FGF14: variants seen among roughly 807,000 people sequenced by gnomAD.
FGF14 encodes fibroblast growth factor 14, also known as fibroblast growth factor homologous factor 4.
A neutral mutation model predicts 25.5 loss-of-function variants in FGF14; 5 were observed. The observed-to-expected ratio is 0.20, with a 90% confidence interval of 0.10 to 0.41. The LOEUF is 0.41. Among genes scored for constraint, FGF14 ranks in the 10% least tolerant of loss-of-function variants. The pLI, the probability that FGF14 is intolerant of heterozygous loss-of-function variation, is 1.00. For missense variants in FGF14, 222 were observed against 320.1 expected (o/e 0.69, Z 2.34); for synonymous variants, 138 against 118.3 (o/e 1.17, Z -1.08).
At chr13:101,743,351 T>C (rs1485039820) in intron 3 of FGF14, among the ~76,000 whole-genome samples, 1 of 152,194 alleles carries the variant, frequency 6.6e-6, no homozygotes, top group Non-Finnish European at 1.5e-5. Context: ...TTCAGATCTG[T>C]TTACCAATTG....
At chr13:102,383,857 G>A (rs145340550) in intron 1 of FGF14, among the ~76,000 whole-genome samples, 1 of 151,962 alleles carries the variant, frequency 6.6e-6, no homozygotes, top group East Asian at 1.9e-4. Flanking sequence ...AGGAAGGGTT[G>A]GGTGTGAAAT....
chr13:101,965,986 A>G (rs2037168413), intron 1 of FGF14, among the ~76,000 whole-genome samples: 1 of 152,206 alleles, frequency 6.6e-6, no homozygotes, highest in Non-Finnish European at 1.5e-5. Flanking sequence ...CACCAGAACC[A>G]CAATCAACTT....
chr13:101,843,097 G>C (rs755245957), intron 3 of FGF14, among the ~76,000 whole-genome samples: 7 of 152,040 alleles, frequency 4.6e-5, no homozygotes, highest in Non-Finnish European at 1.0e-4. Context: ...CTAATTAGGG[G>C]TGACCGAGTT....
chr13:102,239,723 C>A (rs939736336), intron 1 of FGF14, among the ~76,000 whole-genome samples: 1 of 152,160 alleles, frequency 6.6e-6, no homozygotes, highest in Admixed American at 6.5e-5. Flanking sequence ...ACACAGTTTT[C>A]CTGGGTTTTA....
intron 1 of FGF14, among the ~76,000 whole-genome samples, chr13:101,942,119 C>T (rs764560218): frequency 8.5e-5 from 13 of 152,174 alleles, no homozygotes; most frequent in Admixed American, 1.3e-4. Context: ...CATCTTTTCA[C>T]ATTGCATGCC....
At chr13:102,311,061 A>G (rs543570139) in intron 1 of FGF14, among the ~76,000 whole-genome samples, 1 of 152,172 alleles carries the variant, frequency 6.6e-6, no homozygotes, top group African/African-American at 2.4e-5. Context: ...CACACAATTT[A>G]AAAAGGATTC....
At chr13:101,820,803 CACA>C (rs1419203456) in intron 3 of FGF14, among the ~76,000 whole-genome samples, 2,065 of 71,684 alleles carry the variant, frequency 0.029, 59 homozygotes, top group African/African-American at 0.076. Context: ...CACACACACA[CACA>C]ACACACACAC....
Position 102,340,474 on chromosome 13 carries a change from A to G in FGF14, c.208+60997T>C, listed in dbSNP as rs548277915. 1.1e-4 allele frequency among the ~76,000 whole-genome samples: 16 copies of G among 152,024 alleles called. No homozygotes were observed. The South Asian group carries it at 3.3e-3, about 32-fold the overall frequency. ...ACACACACACACACGCCAAAAAAAG[A>G]GTGTTCATCAGTTCCAGAAGGTTCA... On this transcript the variant is annotated intron_variant, in intron 1 of 4. Coordinates refer to the FGF14 transcript ENST00000376131.
At chr13:102,229,703 C>T (rs1174510894) in intron 1 of FGF14, among the ~76,000 whole-genome samples, 1 of 152,128 alleles carries the variant, frequency 6.6e-6, no homozygotes, top group Non-Finnish European at 1.5e-5. Flanking sequence ...AGGCCTTGGT[C>T]ATGGTTAATA....
At chr13:101,829,740 G>T (rs2042578046) in intron 3 of FGF14, among the ~76,000 whole-genome samples, 1 of 152,074 alleles carries the variant, frequency 6.6e-6, no homozygotes, top group Non-Finnish European at 1.5e-5. Context: ...ACTCACAGTA[G>T]ACTCTTGATT....
At chr13:102,367,516 A>G (rs2057747626) in intron 1 of FGF14, 1 of 151,990 alleles carries the variant, frequency 6.6e-6, no homozygotes, top group Non-Finnish European at 1.5e-5. Context: ...AGCTCTATTC[A>G]CTGACAGAGG....
chr13:101,997,606 C>T (rs1252666841), intron 1 of FGF14, among the ~76,000 whole-genome samples: 1 of 152,074 alleles, frequency 6.6e-6, no homozygotes, highest in Non-Finnish European at 1.5e-5. Context: ...GGGCCAGGTC[C>T]AAAAATTTAC....
Position 102,317,839 on chromosome 13 carries a change from A to G in FGF14, c.208+83632T>C, listed in dbSNP as rs569562455. Among the ~76,000 whole-genome samples, 27 of 152,270 alleles carry G rather than the reference A, an allele frequency of 1.8e-4. No individual in the cohort carries two copies. In the South Asian group the frequency reaches 5.6e-3, roughly 32 times the overall value. ...ACACACTGGGCAGCAGCCAGACTGC[A>G]AAAGTCCAGTTTGACCATGTGGAAA... On this transcript the variant is annotated intron_variant, in intron 1 of 4. Coordinates refer to the FGF14 transcript ENST00000376131.
chr13:102,302,285 G>A (rs191624812), intron 1 of FGF14, among the ~76,000 whole-genome samples: 10 of 152,186 alleles, frequency 6.6e-5, no homozygotes, highest in East Asian at 1.9e-4. Context: ...CATCAGCAGC[G>A]TTTTATACAA....
chr13:101,993,460 C>G (rs560725080), intron 1 of FGF14, among the ~76,000 whole-genome samples: 2 of 151,778 alleles, frequency 1.3e-5, no homozygotes, highest in African/African-American at 4.8e-5. Flanking sequence ...TTTTTTTGTA[C>G]TTTAACAGAT....
intron 1 of FGF14, among the ~76,000 whole-genome samples, chr13:102,335,228 T>C (rs2056757866): frequency 6.6e-6 from 1 of 152,182 alleles, no homozygotes; most frequent in Non-Finnish European, 1.5e-5. Flanking sequence ...GACAACAACA[T>C]CTTCACCAAT....
chr13:101,843,886 A>G (rs1160723295), intron 3 of FGF14, among the ~76,000 whole-genome samples: 5 of 152,028 alleles, frequency 3.3e-5, no homozygotes, highest in Non-Finnish European at 7.4e-5. Context: ...CATGAGACCT[A>G]CAAATAGAAC....
At chr13:102,283,206 G>A (rs770334408) in intron 1 of FGF14, among the ~76,000 whole-genome samples, 1 of 152,276 alleles carries the variant, frequency 6.6e-6, no homozygotes, top group Non-Finnish European at 1.5e-5. Context: ...CTGGGAATTG[G>A]TTACACTATT....
intron 1 of FGF14, among the ~76,000 whole-genome samples, chr13:102,327,893 CA>C (rs150526573): frequency 2.0e-4 from 25 of 125,638 alleles, no homozygotes; most frequent in African/African-American, 6.1e-4. Context: ...GACTCATTTC[CA>C]AAAAAAAATA....
Sources: allele counts gnomAD v4.1 joint callset (sites outside exome capture counted in the v4.1 genomes callset), GRCh38; gene constraint gnomAD v4.1.1; transcripts MANE v1.5; gene names NCBI Gene and HGNC (gene_info 2026-07-23, HGNC 2026-07-21).